Variants in CSMD1 observed in about 807,000 individuals in gnomAD.
CSMD1 encodes the protein CUB and Sushi multiple domains 1.
In CSMD1, 213 loss-of-function variants were observed where a neutral mutation model predicts 417.5. The observed-to-expected ratio is 0.51, with a 90% CI of 0.46 to 0.57. CSMD1 has a LOEUF of 0.57. Among genes scored for constraint, CSMD1 ranks in the 20% least tolerant of loss-of-function variants. The probability of loss-of-function intolerance (pLI) is 0.00; values close to 1 mark genes in which losing one functional copy is unlikely to be tolerated. For synonymous variants in CSMD1, 2,862 were observed against 1,736.8 expected (o/e 1.65, Z -16.11); for missense variants, 6,923 against 4,529.7 (o/e 1.53, Z -15.17).
Position 2,935,431 on chromosome 8 carries a change from C to T in CSMD1, c.*3154G>A, listed in dbSNP as rs1455457344. Reference sequence around the variant, plus strand: ...GTGGCATTGCACAGGCTATATTACACCCTCTTTATAATTTTTTTGACAAAA... The same window carrying T: ...GTGGCATTGCACAGGCTATATTACATCCTCTTTATAATTTTTTTGACAAAA... On this transcript the variant is annotated 3_prime_UTR_variant, in exon 70 of 70. Coordinates refer to ENST00000635120, the MANE Select transcript of CSMD1 (RefSeq NM_033225.6). 1 of 152,030 alleles carries T rather than the reference C, an allele frequency of 6.6e-6. No homozygotes were observed. Among genetic ancestry groups the T allele is most frequent in the Non-Finnish European group, 1.5e-5 (1 of 67,998 alleles). 9.4% of individuals were successfully genotyped at this position (152,030 alleles called of 1,614,324 possible). A position where few individuals can be genotyped will look rare whatever the true frequency, so the allele number is the denominator to read the frequency against.
chr8:3,317,488 C>G (rs1563266024), intron 23 of CSMD1, among the ~76,000 whole-genome samples: 1 of 152,118 alleles, frequency 6.6e-6, no homozygotes, highest in East Asian at 1.9e-4. Flanking sequence ...ATTACGTTTT[C>G]TATTTTTTCC....
intron 3 of CSMD1, 47 bp from the exon 4 acceptor site, chr8:4,032,146 A>AAG: frequency 7.0e-7 from 1 of 1,433,498 alleles, no homozygotes; most frequent in East Asian, 2.3e-5. Flanking sequence ...TAAATTTTCC[A>AAG]TGGAGAGCCA....
intron 5 of CSMD1, among the ~76,000 whole-genome samples, chr8:3,828,911 C>T (rs984392669): frequency 6.6e-6 from 1 of 152,190 alleles, no homozygotes; most frequent in African/African-American, 2.4e-5. Flanking sequence ...TGGCCTTCAG[C>T]TCACCCATTA....
chr8:4,544,400 T>A (rs192570135), intron 2 of CSMD1, among the ~76,000 whole-genome samples: 2 of 152,092 alleles, frequency 1.3e-5, no homozygotes, highest in Non-Finnish European at 2.9e-5. Context: ...TTACTTTTAT[T>A]AATAAAAATT....
chr8:4,468,196 G>C (rs1225853069), intron 2 of CSMD1, among the ~76,000 whole-genome samples: 1 of 152,160 alleles, frequency 6.6e-6, no homozygotes, highest in African/African-American at 2.4e-5. Context: ...TGTGTAAGTT[G>C]AGAAAGCAGC....
intron 1 of CSMD1, among the ~76,000 whole-genome samples, chr8:4,760,478 TG>T (rs764460603): frequency 9.2e-5 from 14 of 152,300 alleles, no homozygotes; most frequent in East Asian, 1.9e-4. Flanking sequence ...ACTAATCCTG[TG>T]AGAATTAAAA....
At chr8:3,915,143 C>G (rs776995216) in intron 5 of CSMD1, among the ~76,000 whole-genome samples, 1 of 152,014 alleles carries the variant, frequency 6.6e-6, no homozygotes, top group Admixed American at 6.6e-5. Flanking sequence ...TAGTAGTTCA[C>G]GCCTGTAATC....
intron 3 of CSMD1, among the ~76,000 whole-genome samples, chr8:4,033,401 C>T (rs776019900): frequency 2.5e-4 from 38 of 152,144 alleles, no homozygotes; most frequent in Non-Finnish European, 8.8e-5. Flanking sequence ...GAGATCGCAC[C>T]ACTGCACTCC....
At chr8:3,840,999 A>T (rs1006706162) in intron 5 of CSMD1, among the ~76,000 whole-genome samples, 2 of 151,958 alleles carry the variant, frequency 1.3e-5, no homozygotes, top group African/African-American at 4.8e-5. Context: ...GAACCACTGC[A>T]GCTGTCCGGT....
intron 6 of CSMD1, among the ~76,000 whole-genome samples, chr8:3,715,164 T>C (rs1445677747): frequency 7.2e-5 from 11 of 152,224 alleles, no homozygotes; most frequent in Admixed American, 2.0e-4. Flanking sequence ...CACATTTAAT[T>C]ATTTTTTGCA....
chr8:3,327,624 C>G (rs17079990), intron 23 of CSMD1, among the ~76,000 whole-genome samples: 7,373 of 152,126 alleles, frequency 0.048, 416 homozygotes, highest in East Asian at 0.25. Context: ...CAGTAGTGAC[C>G]TGGGAATAGT....
chr8:4,260,355 A>G (rs376233961), intron 3 of CSMD1, among the ~76,000 whole-genome samples: 2 of 152,108 alleles, frequency 1.3e-5, no homozygotes, highest in African/African-American at 4.8e-5. Flanking sequence ...CTGAGTTGCT[A>G]TTGATTTGTA....
At chr8:3,757,817 C>G (rs535272219) in intron 5 of CSMD1, among the ~76,000 whole-genome samples, 2 of 151,720 alleles carry the variant, frequency 1.3e-5, no homozygotes, top group Admixed American at 6.6e-5. Context: ...CCATCACACT[C>G]CAGCCTGGGT....
Position 3,838,738 on chromosome 8 carries a change from G to C in CSMD1, c.819-84696C>G, listed in dbSNP as rs1268273857. 1.2e-4 allele frequency among the ~76,000 whole-genome samples: 8 copies of C among 67,294 alleles called. 2 individuals carry two copies. The highest frequency in any genetic ancestry group is 7.5e-4 in the African/African-American group (8 of 10,646). The allele number at this position is 67,294 out of a possible 152,430, so 44.1% of individuals were successfully genotyped here. ...ATATATAATAAATTAATATTATATA[G>C]TATAATATATAATAAATATTATATA... On this transcript the variant is annotated intron_variant, in intron 5 of 69. Transcript: ENST00000635120.
chr8:3,515,545 G>C (rs904385152), intron 10 of CSMD1, among the ~76,000 whole-genome samples: 1 of 152,168 alleles, frequency 6.6e-6, no homozygotes, highest in African/African-American at 2.4e-5. Flanking sequence ...GAATGAGAAA[G>C]CAGGACATGC....
intron 2 of CSMD1, among the ~76,000 whole-genome samples, chr8:4,564,668 A>C (rs1022133854): frequency 6.6e-6 from 1 of 152,228 alleles, no homozygotes; most frequent in Non-Finnish European, 1.5e-5. Context: ...GATAATTCTA[A>C]AGTCTATAGT....
chr8:3,308,560 A>C (rs6558762), intron 23 of CSMD1, 57 bp from the exon 24 acceptor site: 466,018 of 1,406,242 alleles, frequency 0.33, 78,679 homozygotes, highest in South Asian at 0.39. Flanking sequence ...TCTGCCTTAA[A>C]ACAGAGATGA....
intron 11 of CSMD1, among the ~76,000 whole-genome samples, chr8:3,493,321 G>A (rs35218844): frequency 0.045 from 6,622 of 147,760 alleles, 182 homozygotes; most frequent in Middle Eastern, 0.074. Flanking sequence ...AAGGGGGGGC[G>A]GAGGGGTTGA....
chr8:4,310,086 T>G (rs4875322), intron 3 of CSMD1, among the ~76,000 whole-genome samples: 122,419 of 152,148 alleles, frequency 0.8, 49,626 homozygotes, highest in African/African-American at 0.9. Context: ...GGTCTGCAAT[T>G]ATCACCTCTC....
Sources: allele counts gnomAD v4.1 joint callset (sites outside exome capture counted in the v4.1 genomes callset), GRCh38; gene constraint gnomAD v4.1.1; transcripts MANE v1.5; gene names NCBI Gene and HGNC (gene_info 2026-07-23, HGNC 2026-07-21).